DNAJC19: variants seen among roughly 807,000 people sequenced by gnomAD.
The protein encoded by DNAJC19 is mitochondrial import inner membrane translocase subunit TIM14.
DNAJC19 carries 15 observed loss-of-function variants against 19.8 expected under a neutral mutation model. The observed-to-expected ratio is 0.76, with a 90% CI of 0.51 to 1.17. DNAJC19 has a LOEUF of 1.17. Ranked by LOEUF, DNAJC19 falls within the 50% of genes most tolerant of loss-of-function variation. The pLI, the probability that DNAJC19 is intolerant of heterozygous loss-of-function variation, is 0.00. For synonymous variants in DNAJC19, 38 were observed against 42.1 expected, an observed-to-expected ratio of 0.90 and a Z score of 0.38; for missense variants, 105 against 140.9, an observed-to-expected ratio of 0.75 and a Z score of 1.29.
intron 3 of DNAJC19, chr3:180,987,798 G>C: frequency 1.7e-6 from 1 of 574,520 alleles, no homozygotes; most frequent in South Asian, 2.0e-5. Flanking sequence ...GGTCTAGTGG[G>C]GTACTAGAAT....
At chr3:180,986,590 A>C (rs1014695037) in intron 4 of DNAJC19, 1 of 221,708 alleles carries the variant, frequency 4.5e-6, no homozygotes, top group Middle Eastern at 1.8e-3. Flanking sequence ...TTGAAGGCAG[A>C]ATTTCACCAC....
rs1324050276 is a variant in DNAJC19 at position 180,983,737 on chromosome 3, T to A, written c.*903A>T. On this transcript the variant is annotated 3_prime_UTR_variant, in exon 6 of 6. Transcript: ENST00000382564. ...GCCTTTAAACATCATTTAAATTTAT[T>A]AGTGTATAAATTCTAAAGAGTCCAA... The A allele has an allele frequency of 2.3e-6, 1 of 434,214 alleles. No homozygotes were observed. Among genetic ancestry groups the A allele is most frequent in the South Asian group, 1.7e-5 (1 of 60,536 alleles). 26.9% of individuals were successfully genotyped at this position (434,214 alleles called of 1,614,324 possible).
Position 180,986,646 on chromosome 3 carries a change from TCTG to T in DNAJC19, c.209+294_209+296del. On this transcript the variant is annotated intron_variant, in intron 4 of 5. Coordinates refer to ENST00000382564, the MANE Select transcript of DNAJC19 (RefSeq NM_145261.4). ...AGAACAACACTGAACACTGTGATAA[TCTG>T]CTGAGGAGTCTATCTTTAAATAAAT... 8.6e-6 allele frequency: 3 copies of T among 347,136 alleles called. No homozygotes were observed. In the South Asian group the frequency reaches 1.1e-4, roughly 13 times the overall value. 21.5% of individuals were successfully genotyped at this position (347,136 alleles called of 1,614,324 possible).
rs1319580719 is a variant in DNAJC19, at chr3:180,985,923, T to C, written c.280+3A>G. On this transcript the variant is annotated splice_donor_region_variant and intron_variant, in intron 5 of 5. Transcript: ENST00000382564. ...CATCAACGAGAATTTAATGACTACT[T>C]ACCTTTGTCAGGATGATTTAAAAGC... is the stretch of plus-strand genomic sequence containing the variant. 16 of 1,612,618 alleles carry C rather than the reference T, an allele frequency of 9.9e-6. No homozygotes were observed. The highest frequency in any genetic ancestry group is 1.4e-5 in the Non-Finnish European group (16 of 1,178,976).
chr3:180,987,359 G>GATA (rs1560040012), intron 3 of DNAJC19: 4 of 326,336 alleles, frequency 1.2e-5, no homozygotes, highest in African/African-American at 2.2e-5. Context: ...TCTGCAAGAA[G>GATA]TGGCTCAAGA....
intron 1 of DNAJC19, among the ~76,000 whole-genome samples, chr3:180,988,500 CT>C (rs892329537): frequency 1.3e-5 from 2 of 151,860 alleles, no homozygotes; most frequent in Non-Finnish European, 2.9e-5. Flanking sequence ...AGAGAAACAA[CT>C]TTTAAGGCGG....
rs986484341 is a variant in DNAJC19, at chr3:180,989,664, G to T, written c.-62C>A. ...CGGCTCATCCCAGCTCAGAGGCCGC[G>T]GCCAACACCTGCACGCCTTTACCAG... On this transcript the variant is annotated 5_prime_UTR_variant, in exon 1 of 6. Transcript: ENST00000382564. 8.3e-6 allele frequency: 13 copies of T among 1,565,652 alleles called. No homozygotes were observed. The highest frequency in any genetic ancestry group is 1.0e-5 in the Non-Finnish European group (12 of 1,155,748).
Position 180,983,814 on chromosome 3 carries a change from G to T in DNAJC19, c.*826C>A, listed in dbSNP as rs1047041977. ...TTCAGTTTTCAGTTTTGCTAACAGG[G>T]TTTAAGCTTAATCATAACAATTGCA... On this transcript the variant is annotated 3_prime_UTR_variant, in exon 6 of 6. Transcript: ENST00000382564. 1 of 453,824 alleles carries T rather than the reference G, an allele frequency of 2.2e-6. No homozygotes were observed. Among genetic ancestry groups the T allele is most frequent in the Non-Finnish European group, 4.4e-6 (1 of 226,750 alleles). The allele number at this position is 453,824 out of a possible 1,614,324, so 28.1% of individuals were successfully genotyped here.
Position 180,983,788 on chromosome 3 carries a change from T to C in DNAJC19, c.*852A>G, listed in dbSNP as rs997435292. 19 of 453,718 alleles carry C rather than the reference T, an allele frequency of 4.2e-5. No individual in the cohort carries two copies. The highest frequency in any genetic ancestry group is 6.8e-4 in the Middle Eastern group (1 of 1,464). 28.1% of individuals were successfully genotyped at this position (453,718 alleles called of 1,614,324 possible). ...ATTAAATATGTTGATATTGAGAACA[T>C]TTCAGTTTTCAGTTTTGCTAACAGG... On this transcript the variant is annotated 3_prime_UTR_variant, in exon 6 of 6. Coordinates refer to ENST00000382564, the MANE Select transcript of DNAJC19 (RefSeq NM_145261.4).
In DNAJC19 at chr3:180,988,205, G is replaced by A. The variant is rs775704655; in HGVS notation, c.28C>T (p.Leu10=). The stretch of plus-strand genomic sequence containing the variant: ...GCAAATCCTGCAGCAGCAATGGTCA[G>A]TCCAACTGCTACCACTGTACTGGCC... The part of the protein sequence containing the change: MASTVVAVG[L]TIAAAGFAGR... The change falls in exon 2 of 6, where the codon CTG becomes TTG. Residue 10 remains leucine, a synonymous_variant. Transcript: ENST00000382564. 1.2e-6 allele frequency: 2 copies of A among 1,613,998 alleles called. No individual in the cohort carries two copies. The highest frequency in any genetic ancestry group is 4.5e-5 in the East Asian group (2 of 44,882).
chr3:180,989,457 G>T, intron 1 of DNAJC19, 143 bp downstream of exon 1: 1 of 1,520,858 alleles, frequency 6.6e-7, no homozygotes, highest in Non-Finnish European at 8.8e-7. Context: ...TTGTGTCCTG[G>T]TGAGTGTGAC....
chr3:180,984,578 A>G lies in DNAJC19; in HGVS notation c.*62T>C. 8.6e-7 allele frequency: 1 copy of G among 1,169,038 alleles called. No individual in the cohort carries two copies. Among genetic ancestry groups the G allele is most frequent in the Non-Finnish European group, 1.2e-6 (1 of 805,748 alleles). 72.4% of individuals were successfully genotyped at this position (1,169,038 alleles called of 1,614,324 possible). On this transcript the variant is annotated 3_prime_UTR_variant, in exon 6 of 6. Transcript: ENST00000382564. ...AATTGTAGCTCTGAGGCATTTTATTATAAAAACTTAGTACTCATATACATA... is the reference window on the plus strand; with the variant it reads ...AATTGTAGCTCTGAGGCATTTTATTGTAAAAACTTAGTACTCATATACATA...
intron 4 of DNAJC19, among the ~76,000 whole-genome samples, chr3:180,986,443 G>A (rs898638955): frequency 4.6e-5 from 7 of 151,984 alleles, no homozygotes; most frequent in African/African-American, 1.7e-4. Context: ...CATTACGCCT[G>A]GCTAATTTTT....
chr3:180,987,870 C>G (rs1714990124), intron 3 of DNAJC19, 153 bp downstream of exon 3: 2 of 913,486 alleles, frequency 2.2e-6, no homozygotes, highest in Non-Finnish European at 3.5e-6. Flanking sequence ...AGCACCATCA[C>G]AAAGTTCAGA....
intron 1 of DNAJC19, 41 bp from the exon 2 acceptor site, chr3:180,988,270 C>A: frequency 8.1e-6 from 13 of 1,611,252 alleles, no homozygotes; most frequent in Non-Finnish European, 1.1e-5. Flanking sequence ...TTCTCTAATT[C>A]CCACCCTTTC....
In DNAJC19 at chr3:180,983,772, GTTGATA is replaced by G. The variant is rs1714739927; in HGVS notation, c.*862_*867del. 2 of 452,954 alleles carry G rather than the reference GTTGATA, an allele frequency of 4.4e-6. No individual in the cohort carries two copies. The allele number at this position is 452,954 out of a possible 1,614,324, so 28.1% of individuals were successfully genotyped here. ...ATTCTAAAGAGTCCAAATTAAATAT[GTTGATA>G]TTGAGAACATTTCAGTTTTCAGTTT... On this transcript the variant is annotated 3_prime_UTR_variant, in exon 6 of 6. Coordinates refer to ENST00000382564, the MANE Select transcript of DNAJC19 (RefSeq NM_145261.4).
rs546324089 is a variant in DNAJC19 at position 180,986,859 on chromosome 3, A to G, written c.209+84T>C. The G allele has an allele frequency of 2.0e-4, 231 of 1,145,234 alleles. No homozygotes were observed. In the African/African-American group the frequency reaches 3.2e-3, roughly 16 times the overall value. The allele number at this position is 1,145,234 out of a possible 1,614,324, so 70.9% of individuals were successfully genotyped here. ...ACAAAATCCCCCATGACCCTCTCCT[A>G]TTAAAGGAGAGAAGGTCTTTCTTAT... On this transcript the variant is annotated intron_variant, in intron 4 of 5. Transcript: ENST00000382564.
intron 3 of DNAJC19, 126 bp downstream of exon 3, chr3:180,987,897 T>C: frequency 8.9e-7 from 1 of 1,126,886 alleles, no homozygotes; most frequent in Non-Finnish European, 1.3e-6. Context: ...ATACTCTCCT[T>C]GCAGGAAGCA....
rs1373907633 is a variant in DNAJC19 at position 180,983,811 on chromosome 3, A to T, written c.*829T>A. 20 of 454,010 alleles carry T rather than the reference A, an allele frequency of 4.4e-5. No individual in the cohort carries two copies. In the Admixed American group the frequency reaches 4.7e-4, roughly 11 times the overall value. 28.1% of individuals were successfully genotyped at this position (454,010 alleles called of 1,614,324 possible). Reference sequence around the variant, plus strand: ...CATTTCAGTTTTCAGTTTTGCTAACAGGGTTTAAGCTTAATCATAACAATT... The same window carrying T: ...CATTTCAGTTTTCAGTTTTGCTAACTGGGTTTAAGCTTAATCATAACAATT... On this transcript the variant is annotated 3_prime_UTR_variant, in exon 6 of 6. Transcript: ENST00000382564.
Sources: gnomAD v4.1 joint callset for allele counts (sites outside exome capture counted in the v4.1 genomes callset) on GRCh38, gnomAD v4.1.1 for gene constraint, MANE v1.5 for transcripts, NCBI Gene and HGNC (gene_info 2026-07-23, HGNC 2026-07-21) for gene names.